Variants in CHD7 observed in about 807,000 individuals in gnomAD.
CHD7 encodes the protein chromodomain helicase DNA binding protein 7.
In CHD7, 24 loss-of-function variants were observed where a neutral mutation model predicts 307.3. The ratio of observed to expected loss-of-function variants is 0.08; its 90% CI spans 0.06 to 0.11. The LOEUF (loss-of-function observed/expected upper bound fraction) is 0.11. Ranked by LOEUF, CHD7 falls within the 10% of genes least tolerant of loss-of-function variation. The probability of loss-of-function intolerance (pLI) is 1.00; values close to 1 mark genes in which losing one functional copy is unlikely to be tolerated. For synonymous variants in CHD7, 1,363 were observed against 1,349.9 expected (o/e 1.01, Z -0.21); for missense variants, 3,106 against 3,727.1 (o/e 0.83, Z 4.34).
intron 1 of CHD7, among the ~76,000 whole-genome samples, chr8:60,695,018 G>A (rs911353445): frequency 6.6e-6 from 1 of 152,092 alleles, no homozygotes; most frequent in Non-Finnish European, 1.5e-5. Flanking sequence ...TTGGCTAGGC[G>A]GGGAAAATGG....
At position 60,856,636 on chromosome 8, in the gene CHD7, A is replaced by G. The variant is rs2272727; in HGVS notation, c.7356A>G (p.Thr2452=). ...TATCAAAGGCCTCAAGAGAGGCAAC[A>G]AGCTCTACCTCAAATTTTTCATCTC... ...VDLSKASREA[T]SSTSNFSSLS... is the part of the protein sequence containing the mutation. Residue 2452 remains threonine (T), a synonymous_variant, in exon 34 of 38, where the codon ACA becomes ACG. Coordinates refer to ENST00000423902, the MANE Select transcript of CHD7 (RefSeq NM_017780.4). 0.055 allele frequency: 88,136 copies of G among 1,614,006 alleles called. 2,654 individuals carry two copies. Among genetic ancestry groups the G allele is most frequent in the Non-Finnish European group, 0.061 (72,015 of 1,179,870 alleles).
intron 1 of CHD7, among the ~76,000 whole-genome samples, chr8:60,736,716 T>C (rs1413969098): frequency 6.6e-6 from 1 of 152,200 alleles, no homozygotes; most frequent in Non-Finnish European, 1.5e-5. Flanking sequence ...TGCCCACGTG[T>C]TGGCTGTTTA....
At chr8:60,780,924 C>T in intron 2 of CHD7, 76 bp from the exon 3 acceptor site, 4 of 1,404,954 alleles carry the variant, frequency 2.8e-6, no homozygotes, top group Non-Finnish European at 3.7e-6. Context: ...TCAGAAACAT[C>T]AGCCACTAAC....
chr8:60,703,407 T>C (rs1408189521), intron 1 of CHD7, among the ~76,000 whole-genome samples: 1 of 152,206 alleles, frequency 6.6e-6, no homozygotes. Context: ...ATGTTAAAAT[T>C]CATCGCTTTC....
chr8:60,712,611 A>G (rs771748386), intron 1 of CHD7, among the ~76,000 whole-genome samples: 2 of 152,324 alleles, frequency 1.3e-5, no homozygotes, highest in Middle Eastern at 3.4e-3. Flanking sequence ...AAATACTTCA[A>G]GTAGTATCAC....
chr8:60,702,436 T>G (rs1261183782), intron 1 of CHD7, among the ~76,000 whole-genome samples: 1 of 152,244 alleles, frequency 6.6e-6, no homozygotes, highest in Admixed American at 6.5e-5. Context: ...CTTATAGCTC[T>G]TGTTTTGGTT....
intron 1 of CHD7, chr8:60,679,536 A>G (rs1435286661): frequency 6.8e-6 from 1 of 146,738 alleles, no homozygotes; most frequent in Non-Finnish European, 1.5e-5. Flanking sequence ...TGCCGGCTCC[A>G]TTCGAGAGAA....
At chr8:60,817,082 G>C (rs1013479522) in intron 8 of CHD7, among the ~76,000 whole-genome samples, 1 of 152,190 alleles carries the variant, frequency 6.6e-6, no homozygotes, top group Non-Finnish European at 1.5e-5. Context: ...AGAAGTGCCA[G>C]TTCTGCCCTC....
intron 4 of CHD7, among the ~76,000 whole-genome samples, chr8:60,796,044 G>T (rs936207473): frequency 1.4e-4 from 21 of 152,212 alleles, no homozygotes; most frequent in Admixed American, 6.5e-5. Flanking sequence ...GTGCAGCTCT[G>T]TTCCAAAGAA....
At chr8:60,855,936 C>T in intron 32 of CHD7, 39 bp from the exon 33 acceptor site, 2 of 1,380,560 alleles carry the variant, frequency 1.4e-6, no homozygotes, top group Non-Finnish European at 2.0e-6. Context: ...TTAACCAGGG[C>T]TTTGTTAAAA....
At chr8:60,854,904 T>G (rs1805634202) in intron 32 of CHD7, among the ~76,000 whole-genome samples, 1 of 152,238 alleles carries the variant, frequency 6.6e-6, no homozygotes, top group South Asian at 2.1e-4. Context: ...TTTATAGTTT[T>G]GGAAACCTAC....
intron 1 of CHD7, among the ~76,000 whole-genome samples, chr8:60,683,681 C>G (rs1805741200): frequency 6.6e-6 from 1 of 152,176 alleles, no homozygotes; most frequent in African/African-American, 2.4e-5. Flanking sequence ...CTCTGACTGG[C>G]CACCCACTGT....
chr8:60,748,988 A>T (rs879379385), intron 2 of CHD7, among the ~76,000 whole-genome samples: 2,614 of 126,192 alleles, frequency 0.021, 33 homozygotes, highest in Non-Finnish European at 0.025. Flanking sequence ...TTTTTTTTTT[A>T]AAAAAATAGC....
At position 60,813,822 on chromosome 8, in the gene CHD7, C is replaced by CTATAAATATTTATAAGTATTATAAA. The variant is rs1563622792; in HGVS notation, c.2499-2552_2499-2528dup. ...ATATTTTACTTATATTTACTTATAA[C>CTATAAATATTTATAAGTATTATAAA]TATAAATATTTATAAGTATTATAAA... On this transcript the variant is annotated intron_variant, in intron 7 of 37. Coordinates refer to ENST00000423902, the MANE Select transcript of CHD7 (RefSeq NM_017780.4). Among the ~76,000 whole-genome samples, 12 of 151,006 alleles carry CTATAAATATTTATAAGTATTATAAA rather than the reference C, an allele frequency of 7.9e-5. No homozygotes were observed. The South Asian group carries it at 8.3e-4, about 10-fold the overall frequency.
chr8:60,811,733 A>C (rs1020625289), intron 7 of CHD7, among the ~76,000 whole-genome samples: 6 of 152,206 alleles, frequency 3.9e-5, no homozygotes, highest in African/African-American at 1.4e-4. Context: ...GCAAACATGT[A>C]TGTATTTTTA....
intron 7 of CHD7, among the ~76,000 whole-genome samples, chr8:60,815,428 A>G (rs187161566): frequency 6.6e-6 from 1 of 152,218 alleles, no homozygotes; most frequent in Admixed American, 6.5e-5. Flanking sequence ...AGAAAGAGAA[A>G]TAAGAGGCTC....
At position 60,830,456 on chromosome 8, in the gene CHD7, A is replaced by T. The variant is rs1460675732; in HGVS notation, c.3657A>T (p.Arg1219=). ...CAAACATTCAGAAGAAATATTACCG[A>T]GCCATCCTTGAGAAGAATTTCACAT... ...ELTNIQKKYY[R]AILEKNFTFL... is the part of the protein sequence containing the mutation. The change falls in exon 15 of 38, where the codon CGA becomes CGT. Residue 1219 remains arginine (R), a synonymous_variant. Transcript: ENST00000423902. The T allele has an allele frequency of 1.2e-6, 2 of 1,614,018 alleles. No homozygotes were observed. Among genetic ancestry groups the T allele is most frequent in the Admixed American group, 1.7e-5 (1 of 60,030 alleles).
At chr8:60,731,255 T>C (rs893186986) in intron 1 of CHD7, among the ~76,000 whole-genome samples, 1 of 152,240 alleles carries the variant, frequency 6.6e-6, no homozygotes, top group Non-Finnish European at 1.5e-5. Context: ...ATACATCTTA[T>C]AAATAAATCA....
At chr8:60,726,921 C>A (rs1808189226) in intron 1 of CHD7, among the ~76,000 whole-genome samples, 1 of 152,108 alleles carries the variant, frequency 6.6e-6, no homozygotes, top group African/African-American at 2.4e-5. Context: ...TCCTTAATTT[C>A]CCTCTTTGTA....
Sources: gnomAD v4.1 joint callset for allele counts (sites outside exome capture counted in the v4.1 genomes callset) on GRCh38, gnomAD v4.1.1 for gene constraint, MANE v1.5 for transcripts, NCBI Gene and HGNC (gene_info 2026-07-23, HGNC 2026-07-21) for gene names.